The following PRKG1 variants were observed in gnomAD, a reference collection of about 807,000 sequenced individuals.
The protein encoded by PRKG1 is cGMP-dependent protein kinase 1.
A neutral mutation model predicts 88.1 loss-of-function variants in PRKG1; 35 were observed. The observed-to-expected ratio is 0.40, with a 90% CI of 0.30 to 0.53. The LOEUF (loss-of-function observed/expected upper bound fraction) is 0.53. PRKG1 is among the 20% of genes least tolerant of loss of function. The probability of loss-of-function intolerance (pLI) is 0.59; values close to 1 mark genes in which losing one functional copy is unlikely to be tolerated. For missense variants in PRKG1, 540 were observed against 839.8 expected (o/e 0.64, Z 4.41); for synonymous variants, 303 against 292.5 (o/e 1.04, Z -0.37).
intron 3 of PRKG1, among the ~76,000 whole-genome samples, chr10:51,734,382 C>T (rs1258198089): frequency 1.3e-5 from 2 of 152,220 alleles, no homozygotes; most frequent in East Asian, 1.9e-4. Flanking sequence ...CTCTTTTAAA[C>T]TGTGAATTAA....
chr10:51,856,756 G>C (rs1194684694), intron 4 of PRKG1, among the ~76,000 whole-genome samples: 1 of 152,128 alleles, frequency 6.6e-6, no homozygotes, highest in Non-Finnish European at 1.5e-5. Context: ...ACGAGGTCAG[G>C]AGATCGGGAC....
chr10:52,178,024 C>T (rs1166717596), intron 9 of PRKG1, among the ~76,000 whole-genome samples: 1 of 147,088 alleles, frequency 6.8e-6, no homozygotes. Context: ...ACTATTTCTT[C>T]CCTTCTACTA....
intron 2 of PRKG1, among the ~76,000 whole-genome samples, chr10:51,217,614 C>T (rs1253515306): frequency 1.3e-5 from 2 of 152,154 alleles, no homozygotes; most frequent in Non-Finnish European, 2.9e-5. Flanking sequence ...TGCCCACAAA[C>T]AGTCCTTCTA....
At chr10:51,080,063 A>G (rs888801716) in intron 1 of PRKG1, among the ~76,000 whole-genome samples, 1 of 152,124 alleles carries the variant, frequency 6.6e-6, no homozygotes, top group Non-Finnish European at 1.5e-5. Context: ...TTCCAACCTA[A>G]TGTTATTCTA....
chr10:51,344,119 T>G (rs1588863563), intron 2 of PRKG1, among the ~76,000 whole-genome samples: 1 of 152,324 alleles, frequency 6.6e-6, no homozygotes, highest in African/African-American at 2.4e-5. Context: ...TGCTCATGGT[T>G]CTGCAGGCTG....
At chr10:51,843,472 T>TTA (rs1840328935) in intron 4 of PRKG1, among the ~76,000 whole-genome samples, 1 of 152,202 alleles carries the variant, frequency 6.6e-6, no homozygotes, top group Non-Finnish European at 1.5e-5. Context: ...GTTTTCAACA[T>TTA]TATGTCCTCA....
At chr10:52,088,368 T>C (rs910526445) in intron 7 of PRKG1, among the ~76,000 whole-genome samples, 3 of 150,780 alleles carry the variant, frequency 2.0e-5, no homozygotes, top group Admixed American at 2.0e-4. Flanking sequence ...GATATTATTT[T>C]ATATATTTAT....
intron 3 of PRKG1, among the ~76,000 whole-genome samples, chr10:51,483,009 C>CTTTTTTTTTTTTTTTTTTTTT (rs149140774): frequency 9.1e-6 from 1 of 110,480 alleles, no homozygotes; most frequent in Non-Finnish European, 1.8e-5. Flanking sequence ...TCTTTTCTTT[C>CTTTTTTTTTTTTTTTTTTTTT]TTTTTTTTTT....
chr10:51,943,315 C>G (rs1365302347), intron 5 of PRKG1, among the ~76,000 whole-genome samples: 1 of 151,848 alleles, frequency 6.6e-6, no homozygotes, highest in Non-Finnish European at 1.5e-5. Flanking sequence ...TATCCTGAGA[C>G]TTTGCTGAAG....
At chr10:51,698,757 G>A (rs1189738318) in intron 3 of PRKG1, 3 of 1,614,220 alleles carry the variant, frequency 1.9e-6, no homozygotes, top group Non-Finnish European at 1.7e-6. Flanking sequence ...ATTGGCCCTG[G>A]AGCTGGAATT....
chr10:51,102,878 G>A (rs1254910584), intron 1 of PRKG1, among the ~76,000 whole-genome samples: 1 of 151,966 alleles, frequency 6.6e-6, no homozygotes, highest in Non-Finnish European at 1.5e-5. Flanking sequence ...GCTACTTGGA[G>A]GAGACAAAGT....
rs374554747 is a variant in PRKG1, at chr10:51,625,673, G to A, written c.592+157837G>A. Among the ~76,000 whole-genome samples, 5 of 151,894 alleles carry A rather than the reference G, an allele frequency of 3.3e-5. No homozygotes were observed. The South Asian group carries it at 1.0e-3, about 32-fold the overall frequency. ...TATCATTTAATAGTGCATTTAAAAT[G>A]GGTGGAGTTTATGATATTTAAATTA... is the stretch of plus-strand genomic sequence containing the variant. On this transcript the variant is annotated intron_variant, in intron 3 of 17. Coordinates refer to ENST00000373980, the MANE Select transcript of PRKG1 (RefSeq NM_006258.4).
intron 3 of PRKG1, among the ~76,000 whole-genome samples, chr10:51,574,366 A>ACC (rs1409401872): frequency 6.6e-6 from 1 of 151,876 alleles, no homozygotes; most frequent in Non-Finnish European, 1.5e-5. Context: ...CATGATTGCT[A>ACC]TGTTCTTTTC....
intron 5 of PRKG1, among the ~76,000 whole-genome samples, chr10:51,949,931 A>T (rs1398102296): frequency 6.6e-6 from 1 of 152,152 alleles, no homozygotes; most frequent in African/African-American, 2.4e-5. Flanking sequence ...CTTATGTCCA[A>T]GGAGCGCTTG....
At chr10:51,189,170 A>G (rs769979671) in intron 2 of PRKG1, among the ~76,000 whole-genome samples, 1 of 151,822 alleles carries the variant, frequency 6.6e-6, no homozygotes, top group Non-Finnish European at 1.5e-5. Context: ...TCTCTTTAGG[A>G]AAAGAGGATG....
chr10:51,605,747 A>G (rs1236715937), intron 3 of PRKG1, among the ~76,000 whole-genome samples: 1 of 152,150 alleles, frequency 6.6e-6, no homozygotes, highest in Non-Finnish European at 1.5e-5. Context: ...CGTTTCCTTC[A>G]TTGACTTATG....
chr10:51,000,715 G>A (rs140816594), intron 1 of PRKG1, among the ~76,000 whole-genome samples: 51 of 152,202 alleles, frequency 3.4e-4, no homozygotes, highest in African/African-American at 1.2e-3. Context: ...TGTTGCTGAG[G>A]GTAAGGCTAA....
At chr10:51,680,898 G>A (rs1840835078) in intron 3 of PRKG1, among the ~76,000 whole-genome samples, 1 of 152,184 alleles carries the variant, frequency 6.6e-6, no homozygotes, top group Non-Finnish European at 1.5e-5. Flanking sequence ...AAAGAAAGAT[G>A]AGTAAAATGA....
chr10:52,292,818 A>C (rs1377775777), intron 17 of PRKG1, among the ~76,000 whole-genome samples: 3 of 151,848 alleles, frequency 2.0e-5, no homozygotes, highest in African/African-American at 7.2e-5. Context: ...TGAATGGGCA[A>C]AAACTGGAAG....
Sources: gnomAD v4.1 joint callset for allele counts (sites outside exome capture counted in the v4.1 genomes callset) on GRCh38, gnomAD v4.1.1 for gene constraint, MANE v1.5 for transcripts, NCBI Gene and HGNC (gene_info 2026-07-23, HGNC 2026-07-21) for gene names.